Variants in TRIM4 observed in about 807,000 individuals in gnomAD.
TRIM4 encodes E3 ubiquitin-protein ligase TRIM4.
Under a neutral mutation model 33.7 loss-of-function variants are expected in TRIM4, and 29 were observed. The ratio of observed to expected loss-of-function variants is 0.86; its 90% CI spans 0.64 to 1.17. The LOEUF is 1.17. TRIM4 is among the 50% of genes most tolerant of loss of function. TRIM4 has a pLI of 0.00. For synonymous variants in TRIM4, 224 were observed against 233.0 expected (o/e 0.96, Z 0.35); for missense variants, 554 against 593.7 (o/e 0.93, Z 0.69).
At chr7:99,916,855 G>A in intron 1 of TRIM4, 1 of 757,048 alleles carries the variant, frequency 1.3e-6, no homozygotes, top group Non-Finnish European at 2.5e-6. Flanking sequence ...GAAAGAGAAA[G>A]TTCAATCTTT....
intron 5 of TRIM4, among the ~76,000 whole-genome samples, chr7:99,899,137 C>G (rs577991082): frequency 6.6e-6 from 1 of 152,268 alleles, no homozygotes; most frequent in African/African-American, 2.4e-5. Context: ...ACCCTATGGT[C>G]TAAGAAGACT....
chr7:99,914,238 G>A (rs1418386843), intron 1 of TRIM4, among the ~76,000 whole-genome samples: 2 of 152,144 alleles, frequency 1.3e-5, no homozygotes, highest in African/African-American at 4.8e-5. Flanking sequence ...GCTCACTGCA[G>A]CCTCGAACTC....
In TRIM4 at chr7:99,919,293, G is replaced by T; in HGVS notation, c.109C>A (p.His37Asn). ...CGHNFCRGCL[H>N]RNWAPGGGPF... ...CCGCCGCCCGGCGCCCAGTTGCGGT[G>T]CAGGCAGCCGCGGCAGAAGTTGTGG... is the stretch of plus-strand genomic sequence containing the variant. The change falls in exon 1 of 6, where the codon CAC becomes AAC. Residue 37 changes from histidine to asparagine, a missense_variant. Around this residue, in one of 3 missense-constraint regions of TRIM4, gnomAD observed 233 missense variants for 203.1 expected, o/e 1.15. Coordinates refer to ENST00000349062, the MANE Select transcript of TRIM4 (RefSeq NM_033091.3). 6.4e-7 allele frequency: 1 copy of T among 1,553,440 alleles called. No individual in the cohort carries two copies. Among genetic ancestry groups the T allele is most frequent in the Non-Finnish European group, 8.7e-7 (1 of 1,150,016 alleles).
chr7:99,916,893 A>G (rs2151654317), intron 1 of TRIM4: 1 of 707,744 alleles, frequency 1.4e-6, no homozygotes, highest in Middle Eastern at 3.2e-4. Context: ...ATCCTTCATG[A>G]TAAGGCCCTG....
At chr7:99,905,688 T>C (rs2151647486) in intron 3 of TRIM4, among the ~76,000 whole-genome samples, 1 of 152,240 alleles carries the variant, frequency 6.6e-6, no homozygotes, top group Admixed American at 6.5e-5. Context: ...CTCTATATAA[T>C]ATCAGATTTT....
intron 5 of TRIM4, among the ~76,000 whole-genome samples, chr7:99,897,647 G>T (rs1584261787): frequency 6.6e-6 from 1 of 152,038 alleles, no homozygotes; most frequent in Non-Finnish European, 1.5e-5. Context: ...GAATATACAG[G>T]TCACACCTAT....
At chr7:99,908,555 G>C in intron 3 of TRIM4, 27 bp downstream of exon 3, 1 of 1,548,766 alleles carries the variant, frequency 6.5e-7, no homozygotes, top group Non-Finnish European at 8.8e-7. Context: ...GTGAAGATGA[G>C]ATCACCCCCA....
intron 1 of TRIM4, 116 bp downstream of exon 1, chr7:99,918,893 C>T (rs1584276507): frequency 2.3e-6 from 3 of 1,293,262 alleles, no homozygotes; most frequent in Non-Finnish European, 3.0e-6. Flanking sequence ...GTTTCAGGGG[C>T]TTTTCATGCT....
At position 99,919,226 on chromosome 7, in the gene TRIM4, G is replaced by A. The variant is rs765759563; in HGVS notation, c.176C>T (p.Ala59Val). 3.6e-5 allele frequency: 55 copies of A among 1,521,062 alleles called. No individual in the cohort carries two copies. Among genetic ancestry groups the A allele is most frequent in the Non-Finnish European group, 4.4e-5 (50 of 1,135,058 alleles). 94.2% of individuals were successfully genotyped at this position (1,521,062 alleles called of 1,614,324 possible). ...CAGGGCCCAGTTGGGTCGCAGCGCG[G>A]CGGGCGCCGATGGGTGCCGACATTC... ...CPECRHPSAP[A>V]ALRPNWALAR... is the part of the protein sequence containing the mutation. Residue 59 changes from alanine to valine, a missense_variant, in exon 1 of 6, where the codon GCC becomes GTC. This residue lies in a region of TRIM4 where 233 missense variants were observed against 203.1 expected (regional missense o/e 1.15). Transcript: ENST00000349062.
At position 99,905,517 on chromosome 7, in the gene TRIM4, C is replaced by T. The variant is rs117490236; in HGVS notation, c.721-1919G>A. 5.6e-3 allele frequency among the ~76,000 whole-genome samples: 849 copies of T among 152,116 alleles called. 3 individuals are homozygous for T. The highest frequency in any genetic ancestry group is 7.6e-3 in the Non-Finnish European group (517 of 68,006). ...TTTGGTATATTAATATAATGGAATACGACAGTACTATACAGCGGGCACTAC... is the reference window on the plus strand; with the variant it reads ...TTTGGTATATTAATATAATGGAATATGACAGTACTATACAGCGGGCACTAC... On this transcript the variant is annotated intron_variant, in intron 3 of 5. Coordinates refer to ENST00000349062, the MANE Select transcript of TRIM4 (RefSeq NM_033091.3).
chr7:99,919,477 A>C lies in TRIM4; in HGVS notation c.-76T>G, dbSNP rs1490568391. On this transcript the variant is annotated 5_prime_UTR_variant, in exon 1 of 6. Coordinates refer to ENST00000349062, the MANE Select transcript of TRIM4 (RefSeq NM_033091.3). ...CAGCAAGCTGCGAGCGGCCGCGGGGAGGCCAGACGACTTCCGAACCGCCGT... is the reference window on the plus strand; with the variant it reads ...CAGCAAGCTGCGAGCGGCCGCGGGGCGGCCAGACGACTTCCGAACCGCCGT... 2.1e-6 allele frequency: 3 copies of C among 1,406,462 alleles called. No individual in the cohort carries two copies. Among genetic ancestry groups the C allele is most frequent in the South Asian group, 1.5e-5 (1 of 64,758 alleles). The allele number at this position is 1,406,462 out of a possible 1,614,324, so 87.1% of individuals were successfully genotyped here.
At position 99,908,610 on chromosome 7, in the gene TRIM4, C is replaced by G. The variant is rs763095395; in HGVS notation, c.692G>C (p.Ser231Thr). 1 of 1,613,316 alleles carries G rather than the reference C, an allele frequency of 6.2e-7. No individual in the cohort carries two copies. Among genetic ancestry groups the G allele is most frequent in the Non-Finnish European group, 8.5e-7 (1 of 1,179,484 alleles). ...KKLILEVGEK[S>T]QAPTLELLQN... ...AAGCAGCTCCAGGGTGGGAGCCTGG[C>G]TCTTCTCCCCCACCTCTAAGATGAG... The change falls in exon 3 of 6, where the codon AGC (serine) becomes ACC (threonine). Residue 231 changes from serine (S) to threonine (T), a missense_variant. Around this residue, in one of 3 missense-constraint regions of TRIM4, gnomAD observed 290 missense variants for 335.8 expected, o/e 0.86. Transcript: ENST00000349062.
chr7:99,892,513 C>T lies in TRIM4; in HGVS notation c.1075G>A (p.Glu359Lys). The T allele has an allele frequency of 6.2e-7, 1 of 1,614,232 alleles. No homozygotes were observed. The highest frequency in any genetic ancestry group is 1.1e-5 in the South Asian group (1 of 91,084). ...FTSGKHYWEV[E>K]SRDSLEVAVG... ...GCAACCTCCAGACTATCTCTACTCT[C>T]AACTTCCCAGTAATGTTTCCCTGAG... Residue 359 changes from glutamate (E) to lysine (K), a missense_variant, in exon 6 of 6, where the codon GAG becomes AAG. Around this residue, in one of 3 missense-constraint regions of TRIM4, gnomAD observed 290 missense variants for 335.8 expected, o/e 0.86. Transcript: ENST00000349062.
chr7:99,892,443 G>A lies in TRIM4; in HGVS notation c.1145C>T (p.Ser382Leu). 6.2e-7 allele frequency: 1 copy of A among 1,614,096 alleles called. No individual in the cohort carries two copies. Among genetic ancestry groups the A allele is most frequent in the Non-Finnish European group, 8.5e-7 (1 of 1,180,012 alleles). Residue 382 changes from serine (S) to leucine (L), a missense_variant, in exon 6 of 6, where the codon TCA (serine) becomes TTA (leucine). By Grantham distance (145) the Ser-to-Leu change is moderately radical. Around this residue, in one of 3 missense-constraint regions of TRIM4, gnomAD observed 290 missense variants for 335.8 expected, o/e 0.86. Coordinates refer to ENST00000349062, the MANE Select transcript of TRIM4 (RefSeq NM_033091.3). Reference sequence around the variant, plus strand: ...GATGCCCACATCTGGGGACATTTTTGAACGATCAGTAATTCCCATGACGTC... The same window carrying A: ...GATGCCCACATCTGGGGACATTTTTAAACGATCAGTAATTCCCATGACGTC... Reference protein sequence around the residue: ...REDVMGITDRSKMSPDVGIWA... With the variant: ...REDVMGITDRLKMSPDVGIWA...
chr7:99,909,248 T>G (rs558703541), intron 2 of TRIM4, among the ~76,000 whole-genome samples: 1 of 151,890 alleles, frequency 6.6e-6, no homozygotes, highest in South Asian at 2.1e-4. Context: ...TAGGAAAAAG[T>G]AGGAAGGAGA....
chr7:99,898,965 C>T (rs1819091141), intron 5 of TRIM4, among the ~76,000 whole-genome samples: 1 of 152,208 alleles, frequency 6.6e-6, no homozygotes, highest in South Asian at 2.1e-4. Flanking sequence ...TAGTTTCTAA[C>T]GCTGCTGCAG....
At chr7:99,911,655 T>A (rs1160205572) in intron 1 of TRIM4, among the ~76,000 whole-genome samples, 1 of 152,238 alleles carries the variant, frequency 6.6e-6, no homozygotes. Flanking sequence ...ACATCAAAGT[T>A]GGCAAGGGTA....
At chr7:99,913,269 T>C (rs995565498) in intron 1 of TRIM4, among the ~76,000 whole-genome samples, 18 of 152,142 alleles carry the variant, frequency 1.2e-4, no homozygotes, top group Admixed American at 8.5e-4. Context: ...ACAGCCTTGG[T>C]GGAAGTTAGA....
At chr7:99,894,672 C>G (rs530861593) in intron 5 of TRIM4, among the ~76,000 whole-genome samples, 2 of 125,678 alleles carry the variant, frequency 1.6e-5, no homozygotes, top group African/African-American at 2.9e-5. Context: ...ATCCCCCCCC[C>G]AAAAAAAAAA....
Sources: gnomAD v4.1 joint callset for allele counts (sites outside exome capture counted in the v4.1 genomes callset) on GRCh38, gnomAD v4.1.1 for gene constraint, gnomAD v4.1.1 regional missense constraint, MANE v1.5 for transcripts, NCBI Gene and HGNC (gene_info 2026-07-23, HGNC 2026-07-21) for gene names.